Variants in PDZD2 observed in about 807,000 individuals in gnomAD.
PDZD2 encodes PDZ domain containing 2, also known as PDZ domain-containing protein 2.
PDZD2 carries 90 observed loss-of-function variants against 220.7 expected under a neutral mutation model. That is an observed-to-expected ratio of 0.41 (90% CI 0.34 to 0.49). The LOEUF (loss-of-function observed/expected upper bound fraction) is 0.49, where lower values mean the gene tolerates loss of function less well. Among genes scored for constraint, PDZD2 ranks in the 20% least tolerant of loss-of-function variants. The probability of loss-of-function intolerance (pLI) is 0.28; values close to 1 mark genes in which losing one functional copy is unlikely to be tolerated. For missense variants in PDZD2, 3,174 were observed against 3,608.5 expected (o/e 0.88, Z 3.08); for synonymous variants, 1,375 against 1,450.5 (o/e 0.95, Z 1.18).
intron 2 of PDZD2, chr5:31,840,736 C>G (rs986886105): frequency 1.2e-6 from 1 of 803,078 alleles, no homozygotes; most frequent in Non-Finnish European, 2.2e-6. Flanking sequence ...TTGCCCTTAA[C>G]TTGTTTGTTT....
intron 7 of PDZD2, among the ~76,000 whole-genome samples, chr5:32,046,796 A>G (rs949556733): frequency 1.3e-5 from 2 of 152,022 alleles, no homozygotes; most frequent in South Asian, 2.1e-4. Context: ...TAATCCCAGC[A>G]TTTTGGGAGG....
intron 2 of PDZD2, among the ~76,000 whole-genome samples, chr5:31,884,237 A>G (rs1445754194): frequency 7.0e-6 from 1 of 142,224 alleles, no homozygotes; most frequent in Admixed American, 7.0e-5. Context: ...GCATGCATAC[A>G]TACATACATA....
At chr5:31,822,604 AC>A (rs1340411616) in intron 2 of PDZD2, 1 of 1,252,646 alleles carries the variant, frequency 8.0e-7, no homozygotes, top group African/African-American at 1.5e-5. Context: ...AGACATAGAT[AC>A]CATCCAAAAA....
chr5:32,049,888 A>G (rs1738352116), intron 8 of PDZD2, among the ~76,000 whole-genome samples: 1 of 152,168 alleles, frequency 6.6e-6, no homozygotes, highest in African/African-American at 2.4e-5. Context: ...TGTTGGACCC[A>G]CAGAGTCAGG....
At chr5:31,655,437 CG>C (rs1423212881) in intron 1 of PDZD2, among the ~76,000 whole-genome samples, 7 of 152,116 alleles carry the variant, frequency 4.6e-5, no homozygotes, top group Non-Finnish European at 8.8e-5. Flanking sequence ...TCCCAAAGCG[CG>C]GGGATTACAG....
At chr5:32,039,781 T>G (rs185380574) in intron 7 of PDZD2, among the ~76,000 whole-genome samples, 6,077 of 148,854 alleles carry the variant, frequency 0.041, 413 homozygotes, top group African/African-American at 0.14. Flanking sequence ...GGAGCGTCTC[T>G]GCCGGACTGC....
chr5:31,995,484 G>T, intron 3 of PDZD2, 92 bp from the exon 4 acceptor site: 1 of 1,285,970 alleles, frequency 7.8e-7, no homozygotes, highest in Middle Eastern at 2.3e-4. Flanking sequence ...ACAAGTGATG[G>T]ATATTCGGCC....
intron 22 of PDZD2, 85 bp downstream of exon 22, chr5:32,097,465 G>T: frequency 1.2e-6 from 1 of 817,076 alleles, no homozygotes. Context: ...TCCAATCAGC[G>T]GGTTCAGAGA....
At chr5:32,040,031 AG>A (rs1755925725) in intron 7 of PDZD2, among the ~76,000 whole-genome samples, 1 of 125,190 alleles carries the variant, frequency 8.0e-6, no homozygotes, top group African/African-American at 3.1e-5. Flanking sequence ...CCAGTCTAGG[AG>A]GAAGTGAGGA....
At chr5:31,673,166 G>T (rs1265395960) in intron 1 of PDZD2, among the ~76,000 whole-genome samples, 1 of 152,182 alleles carries the variant, frequency 6.6e-6, no homozygotes, top group Non-Finnish European at 1.5e-5. Flanking sequence ...GACATCTCAG[G>T]TGGGAACGTG....
At chr5:31,796,329 C>T (rs189497671) in intron 1 of PDZD2, among the ~76,000 whole-genome samples, 540 of 152,260 alleles carry the variant, frequency 3.5e-3, no homozygotes, top group African/African-American at 0.012. Context: ...TCCAGGATGG[C>T]GGAAAGTGAG....
At chr5:32,097,751 A>G (rs944792572) in intron 22 of PDZD2, among the ~76,000 whole-genome samples, 10 of 152,186 alleles carry the variant, frequency 6.6e-5, no homozygotes, top group African/African-American at 2.4e-4. Flanking sequence ...AAAAGCCTTC[A>G]GGACCATCCA....
At chr5:31,873,458 T>G (rs1739008055) in intron 2 of PDZD2, among the ~76,000 whole-genome samples, 1 of 151,438 alleles carries the variant, frequency 6.6e-6, no homozygotes, top group African/African-American at 2.4e-5. Flanking sequence ...AAAAAAAAAT[T>G]GGTTCACAGC....
At chr5:31,876,974 T>C (rs767196471) in intron 2 of PDZD2, among the ~76,000 whole-genome samples, 1 of 152,210 alleles carries the variant, frequency 6.6e-6, no homozygotes, top group Non-Finnish European at 1.5e-5. Flanking sequence ...TTGGAAACTA[T>C]CTGTGCCTCA....
intron 2 of PDZD2, among the ~76,000 whole-genome samples, chr5:31,936,519 G>A (rs1303378663): frequency 1.3e-5 from 2 of 151,444 alleles, no homozygotes; most frequent in Non-Finnish European, 2.9e-5. Flanking sequence ...AGTTCTCTCA[G>A]TTACTAGTGT....
In PDZD2 at chr5:31,855,112, C is replaced by T. The variant is rs1172856090; in HGVS notation, c.476+55388C>T. 4 of 985,360 alleles carry T rather than the reference C, an allele frequency of 4.1e-6. No homozygotes were observed. In the African/African-American group the frequency reaches 7.0e-5, roughly 17 times the overall value. 61.0% of individuals were successfully genotyped at this position (985,360 alleles called of 1,614,324 possible). The stretch of plus-strand genomic sequence containing the variant: ...TTACCCGGCGCCCAGCTGCTGCCGG[C>T]GGAGACTCCCAGGAGCTCCGGAGAG... On this transcript the variant is annotated intron_variant, in intron 2 of 24. Coordinates refer to ENST00000438447, the MANE Select transcript of PDZD2 (RefSeq NM_178140.4).
chr5:31,973,285 A>G (rs1749468109), intron 2 of PDZD2, among the ~76,000 whole-genome samples: 1 of 152,216 alleles, frequency 6.6e-6, no homozygotes, highest in Non-Finnish European at 1.5e-5. Flanking sequence ...ACTTTGTTGT[A>G]AGAGTGTAAA....
At chr5:32,070,292 T>C (rs1456071841) in intron 15 of PDZD2, among the ~76,000 whole-genome samples, 4 of 152,208 alleles carry the variant, frequency 2.6e-5, no homozygotes, top group African/African-American at 9.6e-5. Flanking sequence ...AAGTTATTAG[T>C]TGTCAGAGGA....
rs1561594281 is a variant in PDZD2 at position 32,098,332 on chromosome 5, G to C, written c.7948-32G>C. 1 of 1,605,130 alleles carries C rather than the reference G, an allele frequency of 6.2e-7. No individual in the cohort carries two copies. Among genetic ancestry groups the C allele is most frequent in the Non-Finnish European group, 8.5e-7 (1 of 1,175,068 alleles). Reference sequence around the variant, plus strand: ...TTACCGGAAATCGTAAGTGGATCTGGTTTTTGTTCCCTTTTCCTTTCCTCA... The same window carrying C: ...TTACCGGAAATCGTAAGTGGATCTGCTTTTTGTTCCCTTTTCCTTTCCTCA... On this transcript the variant is annotated intron_variant, in intron 22 of 24. Transcript: ENST00000438447. The surrounding 1 kb of genome is among the most constrained non-coding windows in gnomAD (Gnocchi z 4.1).
Sources: allele counts gnomAD v4.1 joint callset (sites outside exome capture counted in the v4.1 genomes callset), GRCh38; gene constraint gnomAD v4.1.1; non-coding constraint Gnocchi (gnomAD v3.1); transcripts MANE v1.5; gene names NCBI Gene and HGNC (gene_info 2026-07-23, HGNC 2026-07-21).